Variants in LEMD3 observed in about 807,000 individuals in gnomAD.
The protein encoded by LEMD3 is LEM domain containing 3, also known as inner nuclear membrane protein Man1.
Under a neutral mutation model 95.2 loss-of-function variants are expected in LEMD3, and 33 were observed. That is an observed-to-expected ratio of 0.35 (90% confidence interval 0.26 to 0.46). The LOEUF is 0.46. LEMD3 is among the 20% of genes least tolerant of loss of function. LEMD3 has a pLI of 1.00. For synonymous variants in LEMD3, 525 were observed against 474.6 expected, an observed-to-expected ratio of 1.11 and a Z score of -1.38; for missense variants, 1,210 against 1,192.8, an observed-to-expected ratio of 1.01 and a Z score of -0.21.
Position 65,169,725 on chromosome 12 carries a change from G to A in LEMD3, c.129G>A (p.Leu43=). Residue 43 remains leucine, a synonymous_variant, in exon 1 of 13, where the codon CTG becomes CTA. Coordinates refer to ENST00000308330, the MANE Select transcript of LEMD3 (RefSeq NM_014319.5). The part of the protein sequence containing the change: ...ESTRPVYLKK[L]KKLREEEQQQ... ...CCCGCCCGGTCTACCTCAAGAAGCT[G>A]AAGAAGCTTCGAGAGGAAGAGCAGC... is the stretch of plus-strand genomic sequence containing the variant. 1 of 1,590,078 alleles carries A rather than the reference G, an allele frequency of 6.3e-7. No individual in the cohort carries two copies. The highest frequency in any genetic ancestry group is 8.6e-7 in the Non-Finnish European group (1 of 1,168,408).
chr12:65,181,010 A>ACACACACACACACACACACACACACACAC (rs1565780094), intron 1 of LEMD3, among the ~76,000 whole-genome samples: 9 of 152,098 alleles, frequency 5.9e-5, no homozygotes, highest in African/African-American at 2.2e-4. Flanking sequence ...ACACACACAC[A>ACACACACACACACACACACACACACACAC]ATTTTCTGAC....
At chr12:65,183,771 T>G (rs1455537482) in intron 1 of LEMD3, among the ~76,000 whole-genome samples, 1 of 152,168 alleles carries the variant, frequency 6.6e-6, no homozygotes, top group Non-Finnish European at 1.5e-5. Flanking sequence ...TGTGATTTAA[T>G]TTTTCCTTAT....
Position 65,246,192 on chromosome 12 carries a change from T to A in LEMD3, c.2603T>A (p.Leu868Gln). Residue 868 changes from leucine (L) to glutamine (Q), a missense_variant, in exon 13 of 13, where the codon CTA becomes CAA. Physicochemically the swap from Leu to Gln is moderately radical, Grantham distance 113. This residue lies in a region of LEMD3 where 461 missense variants were observed against 569.8 expected (regional missense o/e 0.81). Transcript: ENST00000308330. ...TTGGTTACAGTAAAATATTTACGAC[T>A]AGATAGATACCACCATCGCTTTCCC... ...GKLVTVKYLR[L>Q]DRYHHRFPQA... The A allele has an allele frequency of 6.2e-7, 1 of 1,612,050 alleles. No homozygotes were observed. The highest frequency in any genetic ancestry group is 8.5e-7 in the Non-Finnish European group (1 of 1,178,472).
chr12:65,240,242 T>A lies in LEMD3; in HGVS notation c.2126+4T>A, dbSNP rs1870894264. 7.5e-6 allele frequency: 12 copies of A among 1,593,870 alleles called. No homozygotes were observed. The highest frequency in any genetic ancestry group is 1.0e-5 in the Non-Finnish European group (12 of 1,161,592). On this transcript the variant is annotated splice_donor_region_variant and intron_variant, in intron 8 of 12. Coordinates refer to ENST00000308330, the MANE Select transcript of LEMD3 (RefSeq NM_014319.5). ...CCTTAATACAGCCTCATGACAGGTG[T>A]GTTCAAAGCATTATGAGTTCAAGTA...
chr12:65,170,473 C>G lies in LEMD3; in HGVS notation c.877C>G (p.Pro293Ala), dbSNP rs752572923. Residue 293 changes from proline to alanine, a missense_variant, in exon 1 of 13, where the codon CCT becomes GCT. Coordinates refer to ENST00000308330, the MANE Select transcript of LEMD3 (RefSeq NM_014319.5). ...TCGGCCCAGACGAACCCATAGTAAG[C>G]CTCTCCCCCCGCTGACTGCTAAATC... is the stretch of plus-strand genomic sequence containing the variant. ...RHRPRRTHSK[P>A]LPPLTAKSAG... The G allele has an allele frequency of 1.9e-6, 3 of 1,613,192 alleles. No individual in the cohort carries two copies. The highest frequency in any genetic ancestry group is 2.5e-6 in the Non-Finnish European group (3 of 1,179,780).
At chr12:65,201,412 G>C (rs1869596539) in intron 1 of LEMD3, among the ~76,000 whole-genome samples, 1 of 152,076 alleles carries the variant, frequency 6.6e-6, no homozygotes, top group Admixed American at 6.6e-5. Context: ...AAAATATTGA[G>C]CTTTCTTATC....
intron 10 of LEMD3, 29 bp downstream of exon 10, chr12:65,243,498 A>C (rs1298257473): frequency 3.2e-6 from 4 of 1,241,676 alleles, no homozygotes; most frequent in Non-Finnish European, 4.8e-6. Context: ...GGTACATGTA[A>C]CTCTTATTCT....
At chr12:65,219,655 G>A (rs931475407) in intron 4 of LEMD3, among the ~76,000 whole-genome samples, 12 of 152,036 alleles carry the variant, frequency 7.9e-5, no homozygotes, top group African/African-American at 2.9e-4. Flanking sequence ...CAAATCTCTA[G>A]AACTTCTTCA....
At chr12:65,213,696 CTG>C (rs559734007) in intron 2 of LEMD3, among the ~76,000 whole-genome samples, 79 of 152,106 alleles carry the variant, frequency 5.2e-4, no homozygotes, top group Non-Finnish European at 9.1e-4. Flanking sequence ...TGTTTAGTAT[CTG>C]TGAATCAAAA....
chr12:65,203,959 G>T (rs1038749443), intron 1 of LEMD3, among the ~76,000 whole-genome samples: 1 of 152,004 alleles, frequency 6.6e-6, no homozygotes, highest in African/African-American at 2.4e-5. Context: ...CTCTTACTTT[G>T]TTTTATTAGT....
In LEMD3 at chr12:65,218,783, CT is replaced by C. The variant is rs10676847; in HGVS notation, c.1695+185del. Among the ~76,000 whole-genome samples, 692 of 123,076 alleles carry C rather than the reference CT, an allele frequency of 5.6e-3. 3 individuals carry two copies. Among genetic ancestry groups the C allele is most frequent in the Non-Finnish European group, 8.1e-3 (482 of 59,184 alleles). The allele number at this position is 123,076 out of a possible 152,430, so 80.7% of individuals were successfully genotyped here. ...GTTATGAGAAAGTAAAATTGTTCAA[CT>C]TTTTTTTTTTTTTTTTTTTTGTGAG... On this transcript the variant is annotated intron_variant, in intron 4 of 12. Transcript: ENST00000308330.
intron 1 of LEMD3, among the ~76,000 whole-genome samples, chr12:65,175,594 T>C (rs1868695297): frequency 6.6e-6 from 1 of 152,204 alleles, no homozygotes; most frequent in Non-Finnish European, 1.5e-5. Context: ...TAAGCTTCTG[T>C]ATCACTACTC....
chr12:65,210,799 T>A, intron 1 of LEMD3, 127 bp from the exon 2 acceptor site: 4 of 791,118 alleles, frequency 5.1e-6, no homozygotes, highest in Non-Finnish European at 9.2e-6. Flanking sequence ...CACCAGTTTG[T>A]TTACATTTGG....
At chr12:65,227,473 G>A (rs1870484836) in intron 4 of LEMD3, among the ~76,000 whole-genome samples, 1 of 152,018 alleles carries the variant, frequency 6.6e-6, no homozygotes, top group Non-Finnish European at 1.5e-5. Flanking sequence ...GATTACTTCC[G>A]GGACCCCCAT....
intron 4 of LEMD3, among the ~76,000 whole-genome samples, chr12:65,230,914 C>G (rs1394411837): frequency 6.6e-6 from 1 of 151,990 alleles, no homozygotes; most frequent in Non-Finnish European, 1.5e-5. Context: ...TTTATTGTGT[C>G]CTTCAGTACC....
At chr12:65,187,811 C>CA (rs1869114144) in intron 1 of LEMD3, among the ~76,000 whole-genome samples, 1 of 152,080 alleles carries the variant, frequency 6.6e-6, no homozygotes, top group East Asian at 1.9e-4. Context: ...TAGTAAGAGT[C>CA]ACTGTACTAT....
chr12:65,233,017 G>A (rs1032014492), intron 4 of LEMD3, among the ~76,000 whole-genome samples: 6 of 152,014 alleles, frequency 3.9e-5, no homozygotes, highest in Non-Finnish European at 7.4e-5. Flanking sequence ...AGTGGAGTGA[G>A]GGGGAAATTT....
At chr12:65,183,550 A>G (rs1868969474) in intron 1 of LEMD3, among the ~76,000 whole-genome samples, 1 of 152,166 alleles carries the variant, frequency 6.6e-6, no homozygotes, top group African/African-American at 2.4e-5. Flanking sequence ...CAGTTTTGTT[A>G]TCATTTTAGA....
intron 10 of LEMD3, among the ~76,000 whole-genome samples, chr12:65,243,956 C>T (rs1029845940): frequency 1.3e-4 from 20 of 152,180 alleles, no homozygotes; most frequent in Admixed American, 8.5e-4. Context: ...ACTTTTCAGA[C>T]TTTATAATTC....
Sources: allele counts gnomAD v4.1 joint callset (sites outside exome capture counted in the v4.1 genomes callset), GRCh38; gene constraint gnomAD v4.1.1; regional missense constraint gnomAD v4.1.1; transcripts MANE v1.5; gene names NCBI Gene and HGNC (gene_info 2026-07-23, HGNC 2026-07-21).